IFI16: variants seen among roughly 807,000 people sequenced by gnomAD.
IFI16 encodes the protein interferon gamma inducible protein 16, also known as gamma-interferon-inducible protein 16.
In IFI16, 49 loss-of-function variants were observed where a neutral mutation model predicts 68.4. That is an observed-to-expected ratio of 0.72 (90% CI 0.57 to 0.91). IFI16 has a LOEUF of 0.91. IFI16 is among the 40% of genes least tolerant of loss of function. The probability of loss-of-function intolerance (pLI) is 0.00; values close to 1 mark genes in which losing one functional copy is unlikely to be tolerated. For synonymous variants in IFI16, 307 were observed against 315.0 expected (o/e 0.97, Z 0.27); for missense variants, 878 against 942.9 (o/e 0.93, Z 0.90).
At chr1:159,040,865 T>A (rs1654590107) in intron 7 of IFI16, among the ~76,000 whole-genome samples, 1 of 152,246 alleles carries the variant, frequency 6.6e-6, no homozygotes, top group African/African-American at 2.4e-5. Flanking sequence ...ACACTAGCGT[T>A]CATAGTTTTG....
In IFI16 at chr1:159,018,520, G is replaced by A. The variant is rs1653089651; in HGVS notation, c.841G>A (p.Glu281Lys). 1 of 1,614,024 alleles carries A rather than the reference G, an allele frequency of 6.2e-7. No individual in the cohort carries two copies. Among genetic ancestry groups the A allele is most frequent in the African/African-American group, 1.3e-5 (1 of 75,062 alleles). Residue 281 changes from glutamate to lysine, a missense_variant, in exon 5 of 12, where the codon GAA becomes AAA. By Grantham distance (56) the Glu-to-Lys change is moderately conservative. Transcript: ENST00000295809. Reference sequence around the variant, plus strand: ...GGTCAATGAAGAATCTACTGTATCTGAAGCTGGTCCTAACCAAACGTTTGA... The same window carrying A: ...GGTCAATGAAGAATCTACTGTATCTAAAGCTGGTCCTAACCAAACGTTTGA... ...LEVNEESTVS[E>K]AGPNQTFEVP...
chr1:159,036,491 C>G (rs1027969081), intron 7 of IFI16, among the ~76,000 whole-genome samples: 8 of 152,132 alleles, frequency 5.3e-5, no homozygotes, highest in Admixed American at 2.0e-4. Context: ...GTGTTAGAGC[C>G]AAGATTCAAA....
chr1:159,035,532 A>G (rs1307331831), intron 7 of IFI16, among the ~76,000 whole-genome samples: 1 of 152,214 alleles, frequency 6.6e-6, no homozygotes, highest in Non-Finnish European at 1.5e-5. Flanking sequence ...CAGGAGGATT[A>G]TATGCCTTCA....
At chr1:159,024,333 A>G (rs554484523) in intron 6 of IFI16, among the ~76,000 whole-genome samples, 8 of 152,274 alleles carry the variant, frequency 5.3e-5, no homozygotes. Context: ...GGTCTTTTTC[A>G]TTTATGTCAA....
At chr1:159,010,693 C>CT (rs1652495428) in intron 1 of IFI16, among the ~76,000 whole-genome samples, 1 of 152,124 alleles carries the variant, frequency 6.6e-6, no homozygotes, top group Non-Finnish European at 1.5e-5. Context: ...CACATGGTGT[C>CT]TTAATATTTT....
chr1:159,017,301 A>G (rs1011618340), intron 4 of IFI16, among the ~76,000 whole-genome samples: 16 of 152,176 alleles, frequency 1.1e-4, no homozygotes, highest in African/African-American at 3.6e-4. Context: ...AGATGATGGC[A>G]TTCTGAGGGG....
At chr1:159,012,692 G>A (rs941425110) in intron 1 of IFI16, among the ~76,000 whole-genome samples, 1 of 152,138 alleles carries the variant, frequency 6.6e-6, no homozygotes, top group African/African-American at 2.4e-5. Context: ...GACCGGATTG[G>A]CTACTGCTTT....
chr1:159,006,969 A>C (rs570484335), upstream of IFI16, among the ~76,000 whole-genome samples: 1 of 152,346 alleles, frequency 6.6e-6, no homozygotes, highest in South Asian at 2.1e-4. Flanking sequence ...ATAATAATAT[A>C]CTTTAATTTT....
intron 6 of IFI16, among the ~76,000 whole-genome samples, chr1:159,022,343 CAATTT>C (rs1297445756): frequency 6.6e-6 from 1 of 152,112 alleles, no homozygotes; most frequent in African/African-American, 2.4e-5. Flanking sequence ...ATTTGAATAT[CAATTT>C]AATTTTTTCA....
At chr1:159,033,428 T>C (rs1633257) in intron 7 of IFI16, among the ~76,000 whole-genome samples, 150,712 of 152,366 alleles carry the variant, frequency 0.99, 74,554 homozygotes, top group Middle Eastern at 1. Context: ...CAAATTCAGC[T>C]TAGAACATGG....
chr1:159,043,357 T>G (rs1217777621), intron 7 of IFI16, among the ~76,000 whole-genome samples: 1 of 152,264 alleles, frequency 6.6e-6, no homozygotes, highest in Non-Finnish European at 1.5e-5. Flanking sequence ...AAGTGACACT[T>G]TCTAAGACCT....
chr1:159,049,682 A>G (rs2101924940), intron 9 of IFI16, 83 bp downstream of exon 9: 3 of 1,545,780 alleles, frequency 1.9e-6, no homozygotes, highest in Middle Eastern at 3.5e-4. Flanking sequence ...CACCTCACCA[A>G]TCCCCTACTA....
chr1:159,028,251 A>G (rs1217704951), intron 6 of IFI16, among the ~76,000 whole-genome samples: 1 of 151,968 alleles, frequency 6.6e-6, no homozygotes, highest in African/African-American at 2.4e-5. Flanking sequence ...TTTAGTTTCC[A>G]TTTTGATTTC....
intron 6 of IFI16, among the ~76,000 whole-genome samples, chr1:159,026,566 T>G (rs1571856942): frequency 6.6e-6 from 1 of 152,124 alleles, no homozygotes; most frequent in Non-Finnish European, 1.5e-5. Context: ...CCCAAAGTGC[T>G]AAGATTACAG....
chr1:159,005,061 T>A (rs1652202778), upstream of IFI16, among the ~76,000 whole-genome samples: 1 of 152,138 alleles, frequency 6.6e-6, no homozygotes, highest in Admixed American at 6.5e-5. Flanking sequence ...AGAATTTCAC[T>A]CACGTAAATA....
At position 159,055,068 on chromosome 1, in the gene IFI16, G is replaced by GTT; in HGVS notation, c.*175_*176dup. On this transcript the variant is annotated 3_prime_UTR_variant, in exon 12 of 12. Coordinates refer to ENST00000295809, the MANE Select transcript of IFI16 (RefSeq NM_001376587.1). ...GGGAGTGCTTTTTTAATTTTTCATA[G>GTT]TTTTTTTTTAATAAAATGGCATATT... 2 of 396,602 alleles carry GTT rather than the reference G, an allele frequency of 5.0e-6. No homozygotes were observed. Among genetic ancestry groups the GTT allele is most frequent in the Non-Finnish European group, 4.6e-6 (1 of 217,042 alleles). 24.6% of individuals were successfully genotyped at this position (396,602 alleles called of 1,614,324 possible).
At chr1:159,038,632 G>T (rs1321677566) in intron 7 of IFI16, among the ~76,000 whole-genome samples, 4 of 152,198 alleles carry the variant, frequency 2.6e-5, no homozygotes, top group Non-Finnish European at 4.4e-5. Flanking sequence ...CTCCTGAGTT[G>T]CTGGGGTTAC....
In IFI16 at chr1:159,014,647, A is replaced by G. The variant is rs1557862731; in HGVS notation, c.-20-14A>G. The stretch of plus-strand genomic sequence containing the variant: ...ATACATGTGTAACACTGTATATACC[A>G]TTTTCTCTTGTAGGCTCACTTATGT... On this transcript the variant is annotated splice_polypyrimidine_tract_variant and intron_variant, in intron 1 of 11. Transcript: ENST00000295809. 6.5e-7 allele frequency: 1 copy of G among 1,542,912 alleles called. No homozygotes were observed. The highest frequency in any genetic ancestry group is 8.8e-7 in the Non-Finnish European group (1 of 1,140,030).
chr1:159,042,852 T>C lies in IFI16; in HGVS notation c.1330-2445T>C, dbSNP rs116518608. On this transcript the variant is annotated intron_variant, in intron 7 of 11. Coordinates refer to ENST00000295809, the MANE Select transcript of IFI16 (RefSeq NM_001376587.1). ...GCTTGCCTTTTGTTCTGCCCTGATA[T>C]CACCCCCTGTGTTACCTACAATCCA... Among the ~76,000 whole-genome samples, 1,103 of 152,280 alleles carry C rather than the reference T, an allele frequency of 7.2e-3. 13 individuals carry two copies. The highest frequency in any genetic ancestry group is 0.025 in the African/African-American group (1,048 of 41,546).
Sources: allele counts gnomAD v4.1 joint callset (sites outside exome capture counted in the v4.1 genomes callset), GRCh38; gene constraint gnomAD v4.1.1; transcripts MANE v1.5; gene names NCBI Gene and HGNC (gene_info 2026-07-23, HGNC 2026-07-21).